SSUH2: variants seen among roughly 807,000 people sequenced by gnomAD.
SSUH2 encodes ssu-2 homolog.
Under a neutral mutation model 55.3 loss-of-function variants are expected in SSUH2, and 47 were observed. The ratio of observed to expected loss-of-function variants is 0.85; its 90% CI spans 0.67 to 1.08. The LOEUF (loss-of-function observed/expected upper bound fraction) is 1.08. Among genes scored for constraint, SSUH2 ranks in the 50% least tolerant of loss-of-function variants. The pLI, the probability that SSUH2 is intolerant of heterozygous loss-of-function variation, is 0.00. For synonymous variants in SSUH2, 212 were observed against 191.5 expected (o/e 1.11, Z -0.89); for missense variants, 535 against 490.7 (o/e 1.09, Z -0.85).
chr3:8,636,256 C>T (rs1261668835), intron 1 of SSUH2, among the ~76,000 whole-genome samples: 1 of 152,156 alleles, frequency 6.6e-6, no homozygotes, highest in African/African-American at 2.4e-5. Context: ...CTACTTCTGC[C>T]TCATGGAGCA....
At chr3:8,620,640 G>A (rs1381963505) in intron 11 of SSUH2, among the ~76,000 whole-genome samples, 1 of 152,216 alleles carries the variant, frequency 6.6e-6, no homozygotes, top group Non-Finnish European at 1.5e-5. Flanking sequence ...GTTTCACCAA[G>A]TGGGCACAGG....
chr3:8,640,183 A>G (rs1700600854), intron 1 of SSUH2: 2 of 175,386 alleles, frequency 1.1e-5, no homozygotes, highest in African/African-American at 2.4e-5. Flanking sequence ...TGAATGAACA[A>G]TACTACTGAA....
chr3:8,627,520 A>G (rs1300857028), intron 8 of SSUH2, 178 bp downstream of exon 8: 2 of 433,982 alleles, frequency 4.6e-6, no homozygotes, highest in Non-Finnish European at 8.3e-6. Flanking sequence ...CAGAAATGCC[A>G]GGCCTTGAGA....
intron 1 of SSUH2, among the ~76,000 whole-genome samples, chr3:8,681,609 G>A (rs879130828): frequency 7.6e-5 from 11 of 145,456 alleles, no homozygotes; most frequent in East Asian, 2.1e-4. Flanking sequence ...CTTTTCCCCC[G>A]GCTCTTGGGA....
intron 7 of SSUH2, among the ~76,000 whole-genome samples, chr3:8,658,460 C>CAG (rs1175359545): frequency 6.6e-6 from 1 of 152,202 alleles, no homozygotes; most frequent in African/African-American, 2.4e-5. Context: ...TTGCTTGCCG[C>CAG]AGACCAGCCT....
chr3:8,677,593 CAG>C (rs1270721506), intron 2 of SSUH2, among the ~76,000 whole-genome samples: 1 of 150,780 alleles, frequency 6.6e-6, no homozygotes, highest in Non-Finnish European at 1.5e-5. Flanking sequence ...TTGTATGCAT[CAG>C]AGAGAGAAAA....
Position 8,622,748 on chromosome 3 carries a change from C to T in SSUH2, c.981+801G>A, listed in dbSNP as rs144349798. Reference sequence around the variant, plus strand: ...GACAGAGACAGAGAAGGGGAAATGCCCATTGCAAAGGACAGAAAGGGACAT... The same window carrying T: ...GACAGAGACAGAGAAGGGGAAATGCTCATTGCAAAGGACAGAAAGGGACAT... On this transcript the variant is annotated intron_variant, in intron 11 of 11. Transcript: ENST00000544814. Among the ~76,000 whole-genome samples the T allele has an allele frequency of 2.2e-3, 337 of 152,254 alleles. 1 individual carries two copies. Among genetic ancestry groups the T allele is most frequent in the African/African-American group, 7.8e-3 (325 of 41,540 alleles).
At chr3:8,640,594 C>T (rs536241007) in intron 1 of SSUH2, among the ~76,000 whole-genome samples, 3 of 151,310 alleles carry the variant, frequency 2.0e-5, no homozygotes, top group African/African-American at 7.3e-5. Context: ...CTGTGGAAGA[C>T]GGCAACAGTA....
At chr3:8,647,139 G>A (rs1701781603), upstream of SSUH2, among the ~76,000 whole-genome samples, 1 of 152,204 alleles carries the variant, frequency 6.6e-6, no homozygotes, top group Non-Finnish European at 1.5e-5. Flanking sequence ...AAGGAACCAC[G>A]TGGTCAGACT....
At chr3:8,681,529 C>A (rs1468198234) in intron 1 of SSUH2, among the ~76,000 whole-genome samples, 2 of 149,366 alleles carry the variant, frequency 1.3e-5, no homozygotes, top group Non-Finnish European at 1.5e-5. Flanking sequence ...CGTCTTCCCC[C>A]CTGGCTCTTC....
intron 1 of SSUH2, among the ~76,000 whole-genome samples, chr3:8,680,733 C>G (rs554963033): frequency 1.3e-5 from 2 of 151,946 alleles, no homozygotes; most frequent in Non-Finnish European, 2.9e-5. Flanking sequence ...TATGAAGGAG[C>G]ATCTCACACA....
rs576484052 is a variant in SSUH2 at position 8,635,811 on chromosome 3, G to C, written c.75C>G (p.Pro25=). The C allele has an allele frequency of 1.4e-5, 22 of 1,535,948 alleles. No homozygotes were observed. Among genetic ancestry groups the C allele is most frequent in the Admixed American group, 7.8e-5 (4 of 51,000 alleles). ...TGGGCAGTCTCTCCAGGAGCTCTGT[G>C]GGGGGCGCCAGAGGACTCTCGGCCT... ...SFEAESPLAP[P]TELLERLPSY... The change falls in exon 2 of 12, where the codon CCC becomes CCG. Residue 25 remains proline, a synonymous_variant. Coordinates refer to ENST00000544814, the MANE Select transcript of SSUH2 (RefSeq NM_001256748.3).
At chr3:8,681,298 GAT>G in intron 1 of SSUH2, among the ~76,000 whole-genome samples, 1 of 147,202 alleles carries the variant, frequency 6.8e-6, no homozygotes, top group Non-Finnish European at 1.5e-5. Flanking sequence ...TCCCTCCCTG[GAT>G]CTTTGGACCA....
intron 5 of SSUH2, among the ~76,000 whole-genome samples, chr3:8,664,192 T>C (rs1559517864): frequency 6.6e-6 from 1 of 152,202 alleles, no homozygotes. Flanking sequence ...TCGAAGCTCC[T>C]AGAAAACGAC....
chr3:8,644,693 C>A (rs1210555577), intron 1 of SSUH2, 38 bp downstream of exon 1: 41 of 1,528,034 alleles, frequency 2.7e-5, no homozygotes, highest in Non-Finnish European at 3.3e-5. Context: ...AAAATATCTC[C>A]ACACAGTCTT....
In SSUH2 at chr3:8,627,679, G is replaced by A. The variant is rs1320932465; in HGVS notation, c.674+19C>T. The A allele has an allele frequency of 2.8e-6, 4 of 1,452,804 alleles. No individual in the cohort carries two copies. In the East Asian group the frequency reaches 8.2e-5, roughly 30 times the overall value. The allele number at this position is 1,452,804 out of a possible 1,614,324, so 90.0% of individuals were successfully genotyped here. A position where few individuals can be genotyped will look rare whatever the true frequency, so the allele number is the denominator to read the frequency against. On this transcript the variant is annotated intron_variant, in intron 8 of 11. Transcript: ENST00000544814. ...GAAAGCAAGAGCACTTCACCGCGGTGCTGGGGAGATGCCCCTACCTTCGCC... is the reference window on the plus strand; with the variant it reads ...GAAAGCAAGAGCACTTCACCGCGGTACTGGGGAGATGCCCCTACCTTCGCC...
At chr3:8,674,447 C>A (rs977499312) in intron 3 of SSUH2, among the ~76,000 whole-genome samples, 2 of 152,144 alleles carry the variant, frequency 1.3e-5, no homozygotes, top group Non-Finnish European at 2.9e-5. Flanking sequence ...CCCAAAGACC[C>A]CCTGGTCAGA....
intron 2 of SSUH2, among the ~76,000 whole-genome samples, chr3:8,679,552 A>G (rs1309134999): frequency 1.7e-4 from 21 of 121,296 alleles, no homozygotes; most frequent in East Asian, 3.1e-4. Context: ...GCGAGGCAGG[A>G]ACTGAGAGCC....
At chr3:8,668,923 G>A (rs956660714) in intron 5 of SSUH2, among the ~76,000 whole-genome samples, 1 of 145,704 alleles carries the variant, frequency 6.9e-6, no homozygotes, top group African/African-American at 2.5e-5. Context: ...AAAAAGAATT[G>A]TGCATACAGA....
Sources: gnomAD v4.1 joint callset for allele counts (sites outside exome capture counted in the v4.1 genomes callset) on GRCh38, gnomAD v4.1.1 for gene constraint, MANE v1.5 for transcripts, NCBI Gene and HGNC (gene_info 2026-07-23, HGNC 2026-07-21) for gene names.